The following ARHGAP28 variants were observed in gnomAD, a reference collection of about 807,000 sequenced individuals.
ARHGAP28 encodes Rho GTPase activating protein 28, also known as rho GTPase-activating protein 28.
Under a neutral mutation model 90.7 loss-of-function variants are expected in ARHGAP28, and 56 were observed. The ratio of observed to expected loss-of-function variants is 0.62; its 90% CI spans 0.50 to 0.77. ARHGAP28 has a LOEUF of 0.77. ARHGAP28 is among the 30% of genes least tolerant of loss of function. ARHGAP28 has a pLI of 0.00. For synonymous variants in ARHGAP28, 308 were observed against 323.3 expected, an observed-to-expected ratio of 0.95 and a Z score of 0.51; for missense variants, 869 against 900.9, an observed-to-expected ratio of 0.96 and a Z score of 0.45.
intron 4 of ARHGAP28, 112 bp downstream of exon 4, chr18:6,851,238 C>A: frequency 1.1e-6 from 1 of 883,710 alleles, no homozygotes; most frequent in Non-Finnish European, 1.8e-6. Context: ...TGGACAACCA[C>A]AGATTTCAAC....
intron 1 of ARHGAP28, among the ~76,000 whole-genome samples, chr18:6,797,664 CTT>C (rs1396144186): frequency 3.0e-4 from 42 of 141,460 alleles, no homozygotes; most frequent in Admixed American, 5.7e-4. Context: ...TTTAGAAACG[CTT>C]TTTTTTTTTT....
At chr18:6,839,407 C>G (rs554228454) in intron 3 of ARHGAP28, among the ~76,000 whole-genome samples, 16 of 152,126 alleles carry the variant, frequency 1.1e-4, no homozygotes, top group South Asian at 2.1e-4. Flanking sequence ...CATTCTCCCC[C>G]CTCAGCCTCC....
chr18:6,777,064 G>A (rs1228102445), intron 1 of ARHGAP28, among the ~76,000 whole-genome samples: 1 of 152,120 alleles, frequency 6.6e-6, no homozygotes, highest in Non-Finnish European at 1.5e-5. Context: ...TAAAATTTTT[G>A]TTTTGTCAAC....
In ARHGAP28 at chr18:6,877,536, G is replaced by A. The variant is rs16950714; in HGVS notation, c.1290+1328G>A. Among the ~76,000 whole-genome samples the A allele has an allele frequency of 3.3e-3, 505 of 152,366 alleles. 4 individuals are homozygous for A. The highest frequency in any genetic ancestry group is 0.011 in the African/African-American group (442 of 41,590). ...GAGTCGGCTACCTGGGCTTTTGCAC[G>A]TGAGGGCAAGGTCTTCCGTGAAGCG... On this transcript the variant is annotated intron_variant, in intron 10 of 17. Coordinates refer to ENST00000383472, the MANE Select transcript of ARHGAP28 (RefSeq NM_001366230.1).
chr18:6,896,546 C>G lies in ARHGAP28; in HGVS notation c.1950C>G (p.Leu650=). 3 of 1,614,190 alleles carry G rather than the reference C, an allele frequency of 1.9e-6. No individual in the cohort carries two copies. The highest frequency in any genetic ancestry group is 2.5e-6 in the Non-Finnish European group (3 of 1,180,018). Residue 650 remains leucine (L), a synonymous_variant, in exon 16 of 18, where the codon CTC becomes CTG. Transcript: ENST00000383472. ...EGVIRVHAPL[L]SKVSMAIQLN... ...TCATACGGGTCCATGCTCCACTTCT[C>G]TCCAAGGTGTCCATGGCCATTCAAC...
chr18:6,841,190 T>TCTCTCTCTCTCTCCTCTCTCTCTCTC (rs1487144071), intron 3 of ARHGAP28, among the ~76,000 whole-genome samples: 4 of 66,540 alleles, frequency 6.0e-5, no homozygotes, highest in African/African-American at 3.3e-4. Context: ...CCTCTCTCTC[T>TCTCTCTCTCTCTCCTCTCTCTCTCTC]CTCTCTCTCT....
intron 5 of ARHGAP28, 69 bp from the exon 6 acceptor site, chr18:6,868,081 C>A: frequency 7.7e-7 from 1 of 1,306,798 alleles, no homozygotes; most frequent in Non-Finnish European, 1.1e-6. Flanking sequence ...GAACATAAGT[C>A]AGGCTGAAAT....
intron 3 of ARHGAP28, among the ~76,000 whole-genome samples, chr18:6,841,212 T>TCTCTCTCTC (rs1555631531): frequency 1.9e-5 from 2 of 104,644 alleles, no homozygotes; most frequent in East Asian, 2.9e-4. Flanking sequence ...TCCTCTCCTC[T>TCTCTCTCTC]CTCTCTCTCT....
intron 3 of ARHGAP28, among the ~76,000 whole-genome samples, chr18:6,850,638 C>T (rs1244021416): frequency 6.6e-6 from 1 of 152,184 alleles, no homozygotes; most frequent in African/African-American, 2.4e-5. Flanking sequence ...AAAACATTAG[C>T]TTTCCCAGAC....
At chr18:6,894,517 T>G (rs1032712382) in intron 14 of ARHGAP28, among the ~76,000 whole-genome samples, 2 of 152,218 alleles carry the variant, frequency 1.3e-5, no homozygotes. Context: ...CTTCTCTGCT[T>G]CTTTTGCGTG....
At chr18:6,815,220 AG>A (rs2056582134) in intron 1 of ARHGAP28, among the ~76,000 whole-genome samples, 1 of 152,232 alleles carries the variant, frequency 6.6e-6, no homozygotes, top group Non-Finnish European at 1.5e-5. Context: ...CAGACATTTT[AG>A]CCTGTCATTA....
chr18:6,913,142 T>A lies in ARHGAP28; in HGVS notation c.*988T>A, dbSNP rs1053202856. 4.6e-5 allele frequency: 7 copies of A among 152,218 alleles called. No homozygotes were observed. The highest frequency in any genetic ancestry group is 1.7e-4 in the African/African-American group (7 of 41,456). 9.4% of individuals were successfully genotyped at this position (152,218 alleles called of 1,614,324 possible). ...CTAAACTATAAAAGCAGATTTTGCTTTTGTTTGTTAATCATAGGCATGGCC... is the reference window on the plus strand; with the variant it reads ...CTAAACTATAAAAGCAGATTTTGCTATTGTTTGTTAATCATAGGCATGGCC... On this transcript the variant is annotated 3_prime_UTR_variant, in exon 18 of 18. Transcript: ENST00000383472.
At chr18:6,789,534 C>G (rs1162956157) in intron 1 of ARHGAP28, 1 of 152,182 alleles carries the variant, frequency 6.6e-6, no homozygotes. Flanking sequence ...GAGATGGCAC[C>G]ACCGCACTCC....
At chr18:6,840,503 A>G (rs2056798255) in intron 3 of ARHGAP28, among the ~76,000 whole-genome samples, 1 of 152,216 alleles carries the variant, frequency 6.6e-6, no homozygotes, top group African/African-American at 2.4e-5. Context: ...AGGGAAAGAT[A>G]TAGTGCTCAG....
intron 1 of ARHGAP28, among the ~76,000 whole-genome samples, chr18:6,800,565 T>C (rs2056474576): frequency 1.3e-5 from 2 of 152,172 alleles, no homozygotes; most frequent in South Asian, 4.1e-4. Flanking sequence ...TGCAGGGACA[T>C]GGATGAAGCT....
At chr18:6,823,589 T>C (rs539602798) in intron 1 of ARHGAP28, among the ~76,000 whole-genome samples, 6 of 148,508 alleles carry the variant, frequency 4.0e-5, no homozygotes, top group Non-Finnish European at 7.4e-5. Context: ...CTGGGTCTTA[T>C]GGTGGCTCTT....
At chr18:6,838,151 A>G (rs969509039) in intron 3 of ARHGAP28, among the ~76,000 whole-genome samples, 6 of 152,264 alleles carry the variant, frequency 3.9e-5, no homozygotes, top group African/African-American at 1.4e-4. Flanking sequence ...TTATCTGCGC[A>G]AGATCCTAGG....
chr18:6,792,225 C>T (rs984911727), intron 1 of ARHGAP28, among the ~76,000 whole-genome samples: 1 of 152,106 alleles, frequency 6.6e-6, no homozygotes, highest in African/African-American at 2.4e-5. Context: ...TATGTGTCCT[C>T]GACTGTCATG....
chr18:6,766,656 T>C (rs138529396), intron 1 of ARHGAP28, among the ~76,000 whole-genome samples: 1 of 152,288 alleles, frequency 6.6e-6, no homozygotes, highest in East Asian at 1.9e-4. Context: ...TCCCAGACTC[T>C]TCCTACTCAA....
Sources: gnomAD v4.1 joint callset for allele counts (sites outside exome capture counted in the v4.1 genomes callset) on GRCh38, gnomAD v4.1.1 for gene constraint, MANE v1.5 for transcripts, NCBI Gene and HGNC (gene_info 2026-07-23, HGNC 2026-07-21) for gene names.